SLC25A21: variants seen among roughly 807,000 people sequenced by gnomAD.
SLC25A21 encodes solute carrier family 25 member 21, also known as mitochondrial 2-oxodicarboxylate carrier.
Under a neutral mutation model 43.8 loss-of-function variants are expected in SLC25A21, and 47 were observed. That is an observed-to-expected ratio of 1.07 (90% confidence interval 0.85 to 1.37). The LOEUF is 1.37. Among genes scored for constraint, SLC25A21 ranks in the 40% most tolerant of loss-of-function variants. The pLI, the probability that SLC25A21 is intolerant of heterozygous loss-of-function variation, is 0.00. For missense variants in SLC25A21, 352 were observed against 350.2 expected, an observed-to-expected ratio of 1.00 and a Z score of -0.04; for synonymous variants, 131 against 121.3, an observed-to-expected ratio of 1.08 and a Z score of -0.52.
intron 1 of SLC25A21, among the ~76,000 whole-genome samples, chr14:37,084,232 G>A (rs947518115): frequency 5.9e-5 from 9 of 152,002 alleles, no homozygotes; most frequent in Non-Finnish European, 1.3e-4. Context: ...GCCTTCTCTC[G>A]GTTCCTTAAA....
At chr14:37,050,433 A>G (rs1961679507) in intron 1 of SLC25A21, among the ~76,000 whole-genome samples, 1 of 152,260 alleles carries the variant, frequency 6.6e-6, no homozygotes, top group Non-Finnish European at 1.5e-5. Flanking sequence ...CAGCACACAG[A>G]GTTGAGCAGT....
intron 1 of SLC25A21, among the ~76,000 whole-genome samples, chr14:37,060,938 C>T (rs1961935145): frequency 6.6e-6 from 1 of 152,094 alleles, no homozygotes; most frequent in Non-Finnish European, 1.5e-5. Context: ...ACGTTCTGCC[C>T]AATAGAGCTG....
intron 2 of SLC25A21, among the ~76,000 whole-genome samples, chr14:36,860,134 GA>G (rs71124782): frequency 0.23 from 31,979 of 137,754 alleles, 3,534 homozygotes; most frequent in East Asian, 0.33. Flanking sequence ...ATAAGGTAAT[GA>G]AAAAAAAAAA....
intron 1 of SLC25A21, among the ~76,000 whole-genome samples, chr14:37,163,674 G>C (rs1407527458): frequency 6.6e-6 from 1 of 152,098 alleles, no homozygotes; most frequent in African/African-American, 2.4e-5. Context: ...GATACCACCA[G>C]GGAAGGGTGA....
intron 1 of SLC25A21, among the ~76,000 whole-genome samples, chr14:37,030,389 T>G (rs916040854): frequency 1.3e-5 from 2 of 152,130 alleles, no homozygotes; most frequent in African/African-American, 2.4e-5. Flanking sequence ...TTCTTTTGAG[T>G]CCCTGATCTC....
At chr14:36,893,425 T>C (rs1891141406) in intron 1 of SLC25A21, among the ~76,000 whole-genome samples, 1 of 152,200 alleles carries the variant, frequency 6.6e-6, no homozygotes, top group South Asian at 2.1e-4. Flanking sequence ...TTGAGTTCAT[T>C]GAAGATTCTG....
chr14:36,718,465 T>A (rs1884237764), intron 6 of SLC25A21, among the ~76,000 whole-genome samples: 1 of 152,154 alleles, frequency 6.6e-6, no homozygotes, highest in Non-Finnish European at 1.5e-5. Flanking sequence ...CTTCTCCCAC[T>A]ATCTGTAAAC....
At chr14:37,038,268 G>A (rs1034280149) in intron 1 of SLC25A21, among the ~76,000 whole-genome samples, 1 of 152,102 alleles carries the variant, frequency 6.6e-6, no homozygotes, top group African/African-American at 2.4e-5. Context: ...TTTCTGAGGT[G>A]ACATAAGGTA....
intron 5 of SLC25A21, among the ~76,000 whole-genome samples, chr14:36,728,617 C>T (rs1884692973): frequency 1.3e-5 from 2 of 152,132 alleles, no homozygotes; most frequent in Admixed American, 1.3e-4. Context: ...TATTAGGTTT[C>T]CTAACAGGAT....
chr14:36,981,746 G>A (rs1325061778), intron 1 of SLC25A21, among the ~76,000 whole-genome samples: 1 of 152,058 alleles, frequency 6.6e-6, no homozygotes, highest in East Asian at 1.9e-4. Flanking sequence ...TAAATGACGA[G>A]TTAATGGGTG....
At chr14:37,136,364 A>G (rs1963479275) in intron 1 of SLC25A21, among the ~76,000 whole-genome samples, 1 of 152,238 alleles carries the variant, frequency 6.6e-6, no homozygotes, top group African/African-American at 2.4e-5. Context: ...GCACAGAGAA[A>G]GAAACAGAAA....
intron 1 of SLC25A21, among the ~76,000 whole-genome samples, chr14:36,953,652 C>G (rs1959249990): frequency 6.6e-6 from 1 of 152,042 alleles, no homozygotes; most frequent in Non-Finnish European, 1.5e-5. Context: ...CATTTTGGCA[C>G]AAAGTTTTTC....
chr14:36,941,042 AG>A (rs1892543966), intron 1 of SLC25A21, among the ~76,000 whole-genome samples: 1 of 152,116 alleles, frequency 6.6e-6, no homozygotes, highest in African/African-American at 2.4e-5. Context: ...TGGAAGTAAA[AG>A]AATTATGCAG....
At chr14:37,081,306 CTT>C (rs1482119710) in intron 1 of SLC25A21, among the ~76,000 whole-genome samples, 5 of 152,210 alleles carry the variant, frequency 3.3e-5, no homozygotes, top group Non-Finnish European at 7.3e-5. Context: ...GATGTAACCT[CTT>C]GAGAGAGTTG....
At chr14:37,098,761 A>G (rs1381424347) in intron 1 of SLC25A21, among the ~76,000 whole-genome samples, 7 of 124,176 alleles carry the variant, frequency 5.6e-5, no homozygotes, top group African/African-American at 2.5e-4. Context: ...AGACAGACAG[A>G]CAGACAGACA....
chr14:37,055,955 G>T (rs901412574), intron 1 of SLC25A21, among the ~76,000 whole-genome samples: 2 of 152,102 alleles, frequency 1.3e-5, no homozygotes, highest in Admixed American at 6.6e-5. Flanking sequence ...GAGGTGACTG[G>T]ATCATCAGGG....
chr14:36,842,939 T>C (rs1005336754), intron 2 of SLC25A21, among the ~76,000 whole-genome samples: 2 of 151,882 alleles, frequency 1.3e-5, no homozygotes, highest in African/African-American at 4.8e-5. Context: ...GGCAGGAGGG[T>C]TTCAGGATAA....
intron 3 of SLC25A21, among the ~76,000 whole-genome samples, chr14:36,771,541 G>A (rs982753766): frequency 6.6e-6 from 1 of 152,068 alleles, no homozygotes; most frequent in Non-Finnish European, 1.5e-5. Context: ...GGACTCAGAC[G>A]CTCTTGTGCA....
intron 7 of SLC25A21, among the ~76,000 whole-genome samples, chr14:36,688,594 GC>G (rs1882654770): frequency 6.6e-6 from 1 of 152,150 alleles, no homozygotes; most frequent in Non-Finnish European, 1.5e-5. Context: ...CGGTCCTACC[GC>G]CCCACCTCCA....
Sources: gnomAD v4.1 joint callset for allele counts (sites outside exome capture counted in the v4.1 genomes callset) on GRCh38, gnomAD v4.1.1 for gene constraint, MANE v1.5 for transcripts, NCBI Gene and HGNC (gene_info 2026-07-23, HGNC 2026-07-21) for gene names.